Variants in NLRP14 observed in about 807,000 individuals in gnomAD.
The protein encoded by NLRP14 is NACHT, LRR and PYD domains-containing protein 14.
In NLRP14, 105 loss-of-function variants were observed where a neutral mutation model predicts 94.7. The observed-to-expected ratio is 1.11, with a 90% CI of 0.95 to 1.30. NLRP14 has a LOEUF of 1.30. NLRP14 is among the 50% of genes most tolerant of loss of function. The pLI is 0.00. For missense variants in NLRP14, 1,362 were observed against 1,254.1 expected (o/e 1.09, Z -1.30); for synonymous variants, 508 against 459.9 (o/e 1.10, Z -1.34).
At chr11:7,055,060 T>G (rs1393828437) in intron 6 of NLRP14, among the ~76,000 whole-genome samples, 1 of 152,158 alleles carries the variant, frequency 6.6e-6, no homozygotes, top group African/African-American at 2.4e-5. Context: ...CTAAAGAGAC[T>G]GTCCTTTCCA....
chr11:7,043,645 G>A lies in NLRP14; in HGVS notation c.1619G>A (p.Arg540Gln), dbSNP rs142485585. ...TTGTTTGGCCTTTTGAATGAAGATC[G>A]AGTAAAACAACTGGAGAGGACTTTT... ...CFLFGLLNED[R>Q]VKQLERTFNC... The change falls in exon 4 of 12, where the codon CGA becomes CAA. Residue 540 changes from arginine to glutamine, a missense_variant. Coordinates refer to ENST00000299481, the MANE Select transcript of NLRP14 (RefSeq NM_176822.4). 1.6e-4 allele frequency: 259 copies of A among 1,614,018 alleles called. 1 individual carries two copies. In the East Asian group the frequency reaches 5.0e-3, roughly 31 times the overall value.
rs557025521 is a variant in NLRP14, at chr11:7,042,710, C to A, written c.684C>A (p.Ser228Arg). Reference protein sequence around the residue: ...GREINQLKERSFAQLISKDWP... With the variant: ...GREINQLKERRFAQLISKDWP... ...AAATTAACCAGCTGAAAGAGAGAAGCTTTGCTCAATTGATATCAAAGGACT... is the reference window on the plus strand; with the variant it reads ...AAATTAACCAGCTGAAAGAGAGAAGATTTGCTCAATTGATATCAAAGGACT... The change falls in exon 4 of 12, where the codon AGC becomes AGA. Residue 228 changes from serine (S) to arginine (R), a missense_variant. Physicochemically the swap from Ser to Arg is moderately radical, Grantham distance 110. Transcript: ENST00000299481. 1.9e-6 allele frequency: 3 copies of A among 1,614,082 alleles called. No individual in the cohort carries two copies. The African/African-American group carries it at 4.0e-5, about 22-fold the overall frequency.
At chr11:7,029,417 A>T (rs1589856199) in intron 1 of NLRP14, among the ~76,000 whole-genome samples, 1 of 152,318 alleles carries the variant, frequency 6.6e-6, no homozygotes, top group South Asian at 2.1e-4. Flanking sequence ...CAGGTTTCTT[A>T]TAAGATCTCT....
intron 10 of NLRP14, among the ~76,000 whole-genome samples, chr11:7,063,343 G>A (rs1355278091): frequency 6.6e-6 from 1 of 152,054 alleles, no homozygotes; most frequent in African/African-American, 2.4e-5. Context: ...TAGCATGTTT[G>A]CGTCAGTTCC....
At chr11:7,033,126 G>A (rs572618370) in intron 1 of NLRP14, among the ~76,000 whole-genome samples, 1 of 152,204 alleles carries the variant, frequency 6.6e-6, no homozygotes, top group East Asian at 1.9e-4. Flanking sequence ...TTCATTGTAC[G>A]AATTTACCAC....
intron 4 of NLRP14, among the ~76,000 whole-genome samples, chr11:7,045,306 A>G (rs1175851762): frequency 6.6e-6 from 1 of 152,232 alleles, no homozygotes; most frequent in Non-Finnish European, 1.5e-5. Context: ...AACGTCTTTT[A>G]TGCCTAATAG....
rs1333599373 is a variant in NLRP14, at chr11:7,070,328, C to T, written c.3018C>T (p.Leu1006=). The change falls in exon 11 of 12, where the codon CTC becomes CTT. Residue 1006 remains leucine, a synonymous_variant. Transcript: ENST00000299481. ...TGACATCTCTCTGCTGTCAAGATCTCTCCTCTGCTCTTATCTGCAACAAAA... is the reference window on the plus strand; with the variant it reads ...TGACATCTCTCTGCTGTCAAGATCTTTCCTCTGCTCTTATCTGCAACAAAA... The part of the protein sequence containing the change: ...CGLTSLCCQD[L]SSALICNKRL... 13 of 1,611,580 alleles carry T rather than the reference C, an allele frequency of 8.1e-6. No homozygotes were observed. Among genetic ancestry groups the T allele is most frequent in the Non-Finnish European group, 1.1e-5 (13 of 1,177,944 alleles).
Position 7,020,754 on chromosome 11 carries a change from A to T in NLRP14, c.-38A>T, listed in dbSNP as rs1851912464. 1.3e-5 allele frequency: 2 copies of T among 152,416 alleles called. No homozygotes were observed. Among genetic ancestry groups the T allele is most frequent in the South Asian group, 4.1e-4 (2 of 4,826 alleles). The allele number at this position is 152,416 out of a possible 1,614,324, so 9.4% of individuals were successfully genotyped here. On this transcript the variant is annotated 5_prime_UTR_variant, in exon 1 of 12. Transcript: ENST00000299481. ...CTCACTAGCCCTGGCACTAGCTAGCATCGCTCTAAACTCAAGGTTAGAGGT... is the reference window on the plus strand; with the variant it reads ...CTCACTAGCCCTGGCACTAGCTAGCTTCGCTCTAAACTCAAGGTTAGAGGT...
In NLRP14 at chr11:7,043,525, C is replaced by T; in HGVS notation, c.1499C>T (p.Ala500Val). The change falls in exon 4 of 12, where the codon GCT (alanine) becomes GTT (valine). Residue 500 changes from alanine (A) to valine (V), a missense_variant. Transcript: ENST00000299481. ...MFYMLKGSWE[A>V]GNPSCQPFED... ...TATATGTTGAAAGGCAGTTGGGAAG[C>T]TGGGAACCCTTCCTGCCAGCCTTTT... 1.2e-6 allele frequency: 2 copies of T among 1,614,160 alleles called. No individual in the cohort carries two copies. Among genetic ancestry groups the T allele is most frequent in the Non-Finnish European group, 1.7e-6 (2 of 1,180,000 alleles).
chr11:7,071,377 C>G lies in NLRP14; in HGVS notation c.*69C>G. On this transcript the variant is annotated 3_prime_UTR_variant, in exon 12 of 12. Coordinates refer to ENST00000299481, the MANE Select transcript of NLRP14 (RefSeq NM_176822.4). ...ATACATACATAGATATATACCCAGACTTGGGTGCTTAGCTTCAGATACTCT... is the reference window on the plus strand; with the variant it reads ...ATACATACATAGATATATACCCAGAGTTGGGTGCTTAGCTTCAGATACTCT... 3.8e-6 allele frequency: 5 copies of G among 1,323,312 alleles called. No individual in the cohort carries two copies. Among genetic ancestry groups the G allele is most frequent in the Non-Finnish European group, 4.3e-6 (4 of 940,670 alleles). 82.0% of individuals were successfully genotyped at this position (1,323,312 alleles called of 1,614,324 possible).
the NLRP14 span, among the ~76,000 whole-genome samples, chr11:7,087,500 A>G: frequency 6.6e-6 from 1 of 152,200 alleles, no homozygotes; most frequent in Admixed American, 6.5e-5. Context: ...AGGTTTGATT[A>G]GTAAGTGGCA....
At chr11:7,053,468 A>ATT (rs1231203628) in intron 6 of NLRP14, among the ~76,000 whole-genome samples, 1 of 86,616 alleles carries the variant, frequency 1.2e-5, no homozygotes, top group Non-Finnish European at 2.5e-5. Context: ...TATGATTTAA[A>ATT]TTATATATAT....
At chr11:7,060,115 G>A in intron 9 of NLRP14, 51 bp downstream of exon 9, 1 of 1,467,082 alleles carries the variant, frequency 6.8e-7, no homozygotes, top group Non-Finnish European at 9.5e-7. Flanking sequence ...CAGAGTGTCT[G>A]GGGAGATACT....
At chr11:7,031,542 A>G (rs1012056507) in intron 1 of NLRP14, among the ~76,000 whole-genome samples, 4 of 152,134 alleles carry the variant, frequency 2.6e-5, no homozygotes, top group Non-Finnish European at 5.9e-5. Context: ...ATGCCTGCCA[A>G]CTGTGCTTGA....
intron 5 of NLRP14, among the ~76,000 whole-genome samples, chr11:7,049,319 T>C (rs1449911388): frequency 6.6e-6 from 1 of 152,214 alleles, no homozygotes; most frequent in Non-Finnish European, 1.5e-5. Context: ...ATGCTAATTT[T>C]GAATTAACCT....
At chr11:7,090,039 C>G in the NLRP14 span, 1 of 1,613,080 alleles carries the variant, frequency 6.2e-7, no homozygotes, top group Non-Finnish European at 8.5e-7. Context: ...AGGAGGAGGC[C>G]GCTACGAGGA....
At chr11:7,090,074 C>CTACAGCGGCGGCCGCGACAGT in the NLRP14 span, 3 of 1,612,424 alleles carry the variant, frequency 1.9e-6, no homozygotes, top group Non-Finnish European at 2.5e-6. Context: ...CACCCGATGC[C>CTACAGCGGCGGCCGCGACAGT]TACAGCGGCG....
At chr11:7,090,215 C>A in the NLRP14 span, 1 of 1,612,172 alleles carries the variant, frequency 6.2e-7, no homozygotes, top group Non-Finnish European at 8.5e-7. Context: ...GTGATTCTTA[C>A]AGCCGGTCAG....
chr11:7,033,075 G>T (rs185638629), intron 1 of NLRP14, among the ~76,000 whole-genome samples: 1 of 152,232 alleles, frequency 6.6e-6, no homozygotes, highest in East Asian at 1.9e-4. Flanking sequence ...TATTCTAGTG[G>T]CATATAGCTT....
Sources: gnomAD v4.1 joint callset for allele counts (sites outside exome capture counted in the v4.1 genomes callset) on GRCh38, gnomAD v4.1.1 for gene constraint, MANE v1.5 for transcripts, NCBI Gene and HGNC (gene_info 2026-07-23, HGNC 2026-07-21) for gene names.